The following MYO7A variants were observed in gnomAD, a reference collection of about 807,000 sequenced individuals.
MYO7A encodes myosin VIIA.
Under a neutral mutation model 263.8 loss-of-function variants are expected in MYO7A, and 210 were observed. That is an observed-to-expected ratio of 0.80 (90% CI 0.71 to 0.89). MYO7A has a LOEUF of 0.89. Ranked by LOEUF, MYO7A falls within the 40% of genes least tolerant of loss-of-function variation. The probability of loss-of-function intolerance (pLI) is 0.00; values close to 1 mark genes in which losing one functional copy is unlikely to be tolerated. For synonymous variants in MYO7A, 1,239 were observed against 1,197.3 expected, an observed-to-expected ratio of 1.03 and a Z score of -0.72; for missense variants, 2,820 against 2,968.3, an observed-to-expected ratio of 0.95 and a Z score of 1.16.
chr11:77,206,647 C>T (rs148188134), intron 41 of MYO7A, among the ~76,000 whole-genome samples: 92 of 152,314 alleles, frequency 6.0e-4, no homozygotes, highest in African/African-American at 2.2e-3. Context: ...TCCCTCCATC[C>T]AGGTCCTGTC....
chr11:77,161,469 G>A (rs1310713042), intron 12 of MYO7A, among the ~76,000 whole-genome samples: 6 of 152,196 alleles, frequency 3.9e-5, no homozygotes, highest in Admixed American at 2.0e-4. Flanking sequence ...TGGGGTCTCC[G>A]CCACCCTTGG....
intron 9 of MYO7A, among the ~76,000 whole-genome samples, chr11:77,159,104 G>A (rs1952750400): frequency 6.6e-6 from 1 of 152,220 alleles, no homozygotes; most frequent in South Asian, 2.1e-4. Flanking sequence ...CACATGTCGG[G>A]GAGGGGATCC....
intron 35 of MYO7A, among the ~76,000 whole-genome samples, chr11:77,200,261 C>A (rs1465668023): frequency 6.6e-6 from 1 of 151,024 alleles, no homozygotes; most frequent in East Asian, 1.9e-4. Context: ...AGAGTGAGAC[C>A]TCCTCTCTTA....
intron 46 of MYO7A, 106 bp from the exon 47 acceptor site, chr11:77,212,846 C>T (rs772131318): frequency 1.7e-5 from 16 of 929,056 alleles, no homozygotes; most frequent in Non-Finnish European, 2.4e-5. Flanking sequence ...ACATAGGCAA[C>T]AGGAGAGGCT....
chr11:77,198,575 C>G lies in MYO7A; in HGVS notation c.4522C>G (p.Leu1508Val), dbSNP rs1166912404. Residue 1508 changes from leucine to valine, a missense_variant, in exon 34 of 49, where the codon CTT (leucine) becomes GTT (valine). By Grantham distance (32) the Leu-to-Val change is conservative. Transcript: ENST00000409709. Reference sequence around the variant, plus strand: ...CTTTGTGGATGAGCAGGAGCAGGTACTTCTGGAGCTGTCCTTCCCAGAGAT... The same window carrying G: ...CTTTGTGGATGAGCAGGAGCAGGTAGTTCTGGAGCTGTCCTTCCCAGAGAT... ...VYFVDEQEQV[L>V]LELSFPEIMA... The G allele has an allele frequency of 6.2e-7, 1 of 1,613,844 alleles. No individual in the cohort carries two copies. Among genetic ancestry groups the G allele is most frequent in the Non-Finnish European group, 8.5e-7 (1 of 1,179,906 alleles).
rs1953134239 is a variant in MYO7A, at chr11:77,162,897, G to A, written c.1599G>A (p.Lys533=). The stretch of plus-strand genomic sequence containing the variant: ...TACACAAGCTGAACTCCCAGCACAA[G>A]CTCAACGCCAACTACATCCCCCCCA... ...TMLHKLNSQH[K]LNANYIPPKN... is the part of the protein sequence containing the mutation. Residue 533 remains lysine, a synonymous_variant, in exon 14 of 49, where the codon AAG becomes AAA. Transcript: ENST00000409709. 3 of 1,613,758 alleles carry A rather than the reference G, an allele frequency of 1.9e-6. No homozygotes were observed. Among genetic ancestry groups the A allele is most frequent in the African/African-American group, 2.7e-5 (2 of 74,950 alleles).
rs1555085103 is a variant in MYO7A, at chr11:77,182,114, A to G, written c.3068A>G (p.Lys1023Arg). 5 of 1,613,228 alleles carry G rather than the reference A, an allele frequency of 3.1e-6. No individual in the cohort carries two copies. The part of the protein sequence containing the change: ...TTHSYTRRPL[K>R]QPLLYHDDEG... ...CACTCCTACACCCGGCGGCCACTCA[A>G]ACAGCCACTGCTCTACCATGACGAC... The change falls in exon 24 of 49, where the codon AAA (lysine) becomes AGA (arginine). Residue 1023 changes from lysine to arginine, a missense_variant. Transcript: ENST00000409709.
intron 31 of MYO7A, among the ~76,000 whole-genome samples, chr11:77,192,726 A>G (rs1486749356): frequency 1.3e-5 from 2 of 151,132 alleles, no homozygotes; most frequent in Non-Finnish European, 3.0e-5. Flanking sequence ...AATGGTAGCT[A>G]TGGTTCTGTT....
At position 77,190,059 on chromosome 11, in the gene MYO7A, G is replaced by T; in HGVS notation, c.3670G>T (p.Ala1224Ser). The change falls in exon 29 of 49, where the codon GCC becomes TCC. Residue 1224 changes from alanine (A) to serine (S), a missense_variant. Transcript: ENST00000409709. ...CATCCACGGGGGCCCGCCCGGCTAC[G>T]CCCCGTACTGTGAGGAGCGCCTGAG... ...NFIHGGPPGY[A>S]PYCEERLRRT... is the part of the protein sequence containing the mutation. 3.8e-6 allele frequency: 6 copies of T among 1,572,782 alleles called. No individual in the cohort carries two copies. Among genetic ancestry groups the T allele is most frequent in the South Asian group, 1.2e-5 (1 of 85,494 alleles).
chr11:77,179,182 T>TGCTGCCAGTCCC, intron 20 of MYO7A, 53 bp downstream of exon 20: 1 of 1,502,482 alleles, frequency 6.7e-7, no homozygotes, highest in Non-Finnish European at 9.1e-7. Flanking sequence ...AACCCAGCCT[T>TGCTGCCAGTCCC]GCTGCCATGG....
chr11:77,196,921 A>C (rs1329019172), intron 32 of MYO7A, among the ~76,000 whole-genome samples: 2 of 152,192 alleles, frequency 1.3e-5, no homozygotes, highest in African/African-American at 4.8e-5. Flanking sequence ...TTTGTATCTT[A>C]CCAAGAGCAC....
intron 14 of MYO7A, among the ~76,000 whole-genome samples, chr11:77,165,200 C>T (rs1371173309): frequency 1.3e-5 from 2 of 152,350 alleles, no homozygotes; most frequent in South Asian, 2.1e-4. Flanking sequence ...AGGTGCCAGG[C>T]GGGCAGCCTA....
chr11:77,201,585 A>G lies in MYO7A; in HGVS notation c.4990A>G (p.Thr1664Ala). 6.2e-7 allele frequency: 1 copy of G among 1,613,816 alleles called. No homozygotes were observed. Among genetic ancestry groups the G allele is most frequent in the Non-Finnish European group, 8.5e-7 (1 of 1,179,844 alleles). ...ERTKQRGDFP[T>A]DSVYVMPTVT... ...GACCAAGCAGCGTGGGGACTTCCCC[A>G]CCGACAGTGTGTACGTCATGCCCAC... The change falls in exon 36 of 49, where the codon ACC (threonine) becomes GCC (alanine). Residue 1664 changes from threonine (T) to alanine (A), a missense_variant. By Grantham distance (58) the Thr-to-Ala change is moderately conservative. Coordinates refer to ENST00000409709, the MANE Select transcript of MYO7A (RefSeq NM_000260.4).
intron 14 of MYO7A, among the ~76,000 whole-genome samples, chr11:77,164,011 C>T (rs547775770): frequency 6.6e-6 from 1 of 152,134 alleles, no homozygotes; most frequent in Non-Finnish European, 1.5e-5. Flanking sequence ...TTACCTGATA[C>T]AACATAGCCC....
At chr11:77,180,830 G>A (rs951159487) in intron 22 of MYO7A, among the ~76,000 whole-genome samples, 4 of 152,230 alleles carry the variant, frequency 2.6e-5, no homozygotes, top group African/African-American at 9.6e-5. Flanking sequence ...CTGAACACTT[G>A]CAGTGTGGCC....
chr11:77,197,448 G>T, intron 32 of MYO7A, 33 bp from the exon 33 acceptor site: 5 of 1,493,240 alleles, frequency 3.3e-6, no homozygotes, highest in Non-Finnish European at 4.6e-6. Context: ...CTCGTATGTT[G>T]TCTTCTGTCC....
Position 77,192,149 on chromosome 11 carries a change from CT to C in MYO7A, c.4024del (p.Trp1342GlyfsTer57), listed in dbSNP as rs1555093028. The part of the protein sequence containing the change: ...EQGAQERNAP[W>X]RLFFRKEVFT... ...AGGGCGCCCAGGAGCGCAACGCCCC[CT>C]GGAGGCTCTTCTTCCGCAAAGAGGT... On this transcript the variant is annotated frameshift_variant, in exon 31 of 49. Coordinates refer to ENST00000409709, the MANE Select transcript of MYO7A (RefSeq NM_000260.4). LOFTEE classifies it high-confidence loss of function. The C allele has an allele frequency of 6.2e-7, 1 of 1,613,982 alleles. No individual in the cohort carries two copies. The highest frequency in any genetic ancestry group is 8.5e-7 in the Non-Finnish European group (1 of 1,179,898).
At chr11:77,136,534 T>C (rs1950909181) in intron 2 of MYO7A, among the ~76,000 whole-genome samples, 1 of 152,168 alleles carries the variant, frequency 6.6e-6, no homozygotes, top group Non-Finnish European at 1.5e-5. Flanking sequence ...CTTCCTGGGA[T>C]GCCCTTTCCC....
chr11:77,189,825 AGGCTAAGCTAGC>A (rs1348916058), intron 28 of MYO7A, among the ~76,000 whole-genome samples, 183 bp from the exon 29 acceptor site: 2 of 152,178 alleles, frequency 1.3e-5, no homozygotes, highest in Non-Finnish European at 2.9e-5. Flanking sequence ...AGGAGCCACT[AGGCTAAGCTAGC>A]GGGAGGTGGG....
Sources: allele counts gnomAD v4.1 joint callset (sites outside exome capture counted in the v4.1 genomes callset), GRCh38; gene constraint gnomAD v4.1.1; transcripts MANE v1.5; gene names NCBI Gene and HGNC (gene_info 2026-07-23, HGNC 2026-07-21).